AHCY: variants seen among roughly 807,000 people sequenced by gnomAD.
AHCY encodes adenosylhomocysteinase, also known as S-adenosyl-L-homocysteine hydrolase.
In AHCY, 24 loss-of-function variants were observed where a neutral mutation model predicts 45.4. The observed-to-expected ratio is 0.53, with a 90% CI of 0.38 to 0.74. AHCY has a LOEUF of 0.74. Among genes scored for constraint, AHCY ranks in the 30% least tolerant of loss-of-function variants. The pLI is 0.00. For missense variants in AHCY, 449 were observed against 594.1 expected, an observed-to-expected ratio of 0.76 and a Z score of 2.54; for synonymous variants, 245 against 235.1, an observed-to-expected ratio of 1.04 and a Z score of -0.39.
chr20:34,290,784 C>T lies in AHCY; in HGVS notation c.713G>A (p.Arg238His), dbSNP rs745825646. The change falls in exon 6 of 10, where the codon CGC (arginine) becomes CAC (histidine). Residue 238 changes from arginine (R) to histidine (H), a missense_variant. Physicochemically the swap from Arg to His is conservative, Grantham distance 29. Transcript: ENST00000217426. This position sits in a 1 kb window ranked among gnomAD's most constrained non-coding sequence, Gnocchi z 4.5. Reference protein sequence around the residue: ...CAQALRGFGARVIITEIDPIN... With the variant: ...CAQALRGFGAHVIITEIDPIN... ...GGGGTCAATCTCGGTGATGATGACGCGGGCTCCGAAACCCCGCAGGGCCTG... is the reference window on the plus strand; with the variant it reads ...GGGGTCAATCTCGGTGATGATGACGTGGGCTCCGAAACCCCGCAGGGCCTG... 1.1e-5 allele frequency: 17 copies of T among 1,613,926 alleles called. No homozygotes were observed. Among genetic ancestry groups the T allele is most frequent in the Middle Eastern group, 1.6e-4 (1 of 6,082 alleles).
At chr20:34,246,387 A>G in the AHCY span, 1 of 1,412,914 alleles carries the variant, frequency 7.1e-7, no homozygotes, top group Non-Finnish European at 9.8e-7. Flanking sequence ...CATTGTTTAC[A>G]ATGAGCAACA....
At chr20:34,262,509 C>T in the AHCY span, among the ~76,000 whole-genome samples, 3 of 152,310 alleles carry the variant, frequency 2.0e-5, no homozygotes, top group Admixed American at 6.5e-5. Flanking sequence ...GGAAGGGGCA[C>T]CTGGGGTGGC....
intron 1 of AHCY, among the ~76,000 whole-genome samples, chr20:34,299,996 C>G (rs926914916): frequency 4.6e-5 from 7 of 152,140 alleles, no homozygotes; most frequent in Non-Finnish European, 8.8e-5. Context: ...AGCAGCCTGG[C>G]CAACATGGTG....
intron 1 of AHCY, chr20:34,302,830 G>A: frequency 1.0e-6 from 1 of 985,428 alleles, no homozygotes; most frequent in Non-Finnish European, 1.2e-6. Flanking sequence ...CCTGTAGGAG[G>A]CCCAGAGAGG....
At chr20:34,256,892 C>T in the AHCY span, among the ~76,000 whole-genome samples, 1 of 151,948 alleles carries the variant, frequency 6.6e-6, no homozygotes, top group Non-Finnish European at 1.5e-5. Flanking sequence ...GTGATTCTCC[C>T]ACCTCAGCCA....
At chr20:34,275,681 T>C (rs556466518), downstream of AHCY, among the ~76,000 whole-genome samples, 9 of 142,068 alleles carry the variant, frequency 6.3e-5, no homozygotes, top group Non-Finnish European at 1.2e-4. Flanking sequence ...TTTATATCTT[T>C]CTTTTTTTTT....
the AHCY span, among the ~76,000 whole-genome samples, chr20:34,274,510 G>GC: frequency 6.6e-6 from 1 of 152,102 alleles, no homozygotes; most frequent in Non-Finnish European, 1.5e-5. Context: ...TGACTCCCCA[G>GC]CTCTCTAATG....
At chr20:34,296,472 T>A (rs1452687296) in intron 1 of AHCY, among the ~76,000 whole-genome samples, 1 of 152,210 alleles carries the variant, frequency 6.6e-6, no homozygotes, top group African/African-American at 2.4e-5. Context: ...ATCCTCTGGC[T>A]TCATGGTTAC....
intron 9 of AHCY, chr20:34,281,500 G>GAC: frequency 2.7e-6 from 1 of 375,210 alleles, no homozygotes; most frequent in South Asian, 2.2e-5. Flanking sequence ...GACAGGCAGA[G>GAC]ACAAGGTGCT....
At chr20:34,281,845 T>C (rs1019459264) in intron 9 of AHCY, 1 of 158,056 alleles carries the variant, frequency 6.3e-6, no homozygotes, top group Non-Finnish European at 1.4e-5. Flanking sequence ...ACTTTCTGTT[T>C]TTAGTAGAGA....
chr20:34,277,623 C>T (rs989827365), downstream of AHCY, among the ~76,000 whole-genome samples: 2 of 151,704 alleles, frequency 1.3e-5, no homozygotes, highest in African/African-American at 2.4e-5. Context: ...GACACGGTGG[C>T]GGGCGCCTGT....
the AHCY span, among the ~76,000 whole-genome samples, chr20:34,263,080 G>T: frequency 6.6e-6 from 1 of 152,128 alleles, no homozygotes; most frequent in East Asian, 1.9e-4. Context: ...GAAGCCCAGG[G>T]AGCTGAAGTC....
At chr20:34,255,142 T>C in the AHCY span, among the ~76,000 whole-genome samples, 1 of 152,126 alleles carries the variant, frequency 6.6e-6, no homozygotes, top group Non-Finnish European at 1.5e-5. Context: ...TCAGAGCAAG[T>C]GATCACTGTG....
downstream of AHCY, among the ~76,000 whole-genome samples, chr20:34,277,769 A>AC (rs1040272817): frequency 1.3e-5 from 2 of 151,434 alleles, no homozygotes; most frequent in African/African-American, 4.8e-5. Flanking sequence ...AAAAAAAAAA[A>AC]AAAAAAAAAA....
At chr20:34,257,648 TATA>T in the AHCY span, among the ~76,000 whole-genome samples, 19 of 152,314 alleles carry the variant, frequency 1.2e-4, no homozygotes, top group African/African-American at 1.7e-4. Flanking sequence ...GACAGCATGA[TATA>T]ATAATAAGTT....
At chr20:34,305,331 T>TA (rs113153262), upstream of AHCY, among the ~76,000 whole-genome samples, 46 of 151,646 alleles carry the variant, frequency 3.0e-4, no homozygotes, top group African/African-American at 1.1e-3. Flanking sequence ...TCTCAAAAAA[T>TA]AAAAAATAAA....
At chr20:34,305,066 A>G (rs1441792654), upstream of AHCY, among the ~76,000 whole-genome samples, 27 of 150,836 alleles carry the variant, frequency 1.8e-4, no homozygotes, top group Admixed American at 1.8e-3. Context: ...CTGTAATCCC[A>G]GCACATTGGG....
chr20:34,269,391 C>T, the AHCY span: 1 of 557,284 alleles, frequency 1.8e-6, no homozygotes, highest in East Asian at 3.5e-5. Context: ...GTTCTCGGTC[C>T]CTTCGCCACG....
chr20:34,268,623 C>A, the AHCY span, among the ~76,000 whole-genome samples: 1 of 151,820 alleles, frequency 6.6e-6, no homozygotes, highest in Non-Finnish European at 1.5e-5. Context: ...GTGGTCCCAG[C>A]TACTTGGGAG....
Sources: allele counts gnomAD v4.1 joint callset (sites outside exome capture counted in the v4.1 genomes callset), GRCh38; gene constraint gnomAD v4.1.1; non-coding constraint Gnocchi (gnomAD v3.1); transcripts MANE v1.5; gene names NCBI Gene and HGNC (gene_info 2026-07-23, HGNC 2026-07-21).